The following WDR27 variants were observed in gnomAD, a reference collection of about 807,000 sequenced individuals.
The protein encoded by WDR27 is WD repeat domain 27.
In WDR27, 100 loss-of-function variants were observed where a neutral mutation model predicts 114.4. That is an observed-to-expected ratio of 0.87 (90% CI 0.74 to 1.03). The LOEUF is 1.03. Ranked by LOEUF, WDR27 falls within the 50% of genes least tolerant of loss-of-function variation. The pLI is 0.00. For missense variants in WDR27, 1,129 were observed against 1,092.9 expected (o/e 1.03, Z -0.47); for synonymous variants, 449 against 423.1 (o/e 1.06, Z -0.75).
intron 22 of WDR27, among the ~76,000 whole-genome samples, chr6:169,602,820 A>G (rs1421764411): frequency 6.6e-6 from 1 of 152,096 alleles, no homozygotes; most frequent in Admixed American, 6.6e-5. Context: ...TAAATTCTAC[A>G]AAGATAATTC....
chr6:169,515,900 GC>G (rs1793572790), intron 25 of WDR27, among the ~76,000 whole-genome samples: 1 of 151,476 alleles, frequency 6.6e-6, no homozygotes, highest in Admixed American at 6.6e-5. Context: ...AGTGTATTAT[GC>G]CCCCAGTTGA....
chr6:169,432,142 C>T, the WDR27 span, among the ~76,000 whole-genome samples: 1 of 152,106 alleles, frequency 6.6e-6, no homozygotes, highest in Non-Finnish European at 1.5e-5. Context: ...TGCAGTGTTT[C>T]TCAAAAGCAA....
At chr6:169,510,376 C>G (rs1205474217) in intron 25 of WDR27, among the ~76,000 whole-genome samples, 2 of 151,920 alleles carry the variant, frequency 1.3e-5, no homozygotes, top group Admixed American at 1.3e-4. Flanking sequence ...GACTTGGAAC[C>G]AACCCAAATA....
intron 25 of WDR27, among the ~76,000 whole-genome samples, chr6:169,472,563 TATC>T (rs1309865489): frequency 6.6e-6 from 1 of 152,204 alleles, no homozygotes; most frequent in Non-Finnish European, 1.5e-5. Context: ...ATAAAGCATT[TATC>T]ATAATACCAG....
chr6:169,537,838 G>A (rs1398333706), intron 25 of WDR27, among the ~76,000 whole-genome samples: 1 of 152,118 alleles, frequency 6.6e-6, no homozygotes, highest in African/African-American at 2.4e-5. Context: ...CGGGGGAAAT[G>A]GCAAGAAATA....
At chr6:169,468,428 T>C (rs1355849419) in intron 25 of WDR27, among the ~76,000 whole-genome samples, 6 of 152,184 alleles carry the variant, frequency 3.9e-5, no homozygotes, top group Admixed American at 3.3e-4. Flanking sequence ...CATGTCCTTC[T>C]TCACATGATG....
intron 24 of WDR27, among the ~76,000 whole-genome samples, chr6:169,581,957 T>C (rs1803511408): frequency 6.6e-6 from 1 of 152,198 alleles, no homozygotes; most frequent in African/African-American, 2.4e-5. Flanking sequence ...ACACTGGAGA[T>C]AACTAATACC....
intron 25 of WDR27, among the ~76,000 whole-genome samples, chr6:169,561,682 G>T (rs1489890664): frequency 1.3e-5 from 2 of 151,964 alleles, no homozygotes; most frequent in Non-Finnish European, 2.9e-5. Flanking sequence ...AATAGAAAAT[G>T]AATAAGCAAG....
chr6:169,502,938 AAC>A (rs1466741466), intron 25 of WDR27, among the ~76,000 whole-genome samples: 2 of 152,140 alleles, frequency 1.3e-5, no homozygotes, highest in Non-Finnish European at 2.9e-5. Flanking sequence ...GCTTCCCCCA[AAC>A]ACTTTTGACA....
chr6:169,687,968 A>G (rs1226435597), intron 2 of WDR27, among the ~76,000 whole-genome samples: 1 of 152,218 alleles, frequency 6.6e-6, no homozygotes, highest in East Asian at 1.9e-4. Flanking sequence ...GAAAGAATCT[A>G]GCAGCCAAAA....
intron 14 of WDR27, among the ~76,000 whole-genome samples, chr6:169,651,189 G>GC (rs1822418237): frequency 1.8e-5 from 2 of 112,856 alleles, no homozygotes; most frequent in East Asian, 4.7e-4. Flanking sequence ...GGGGCGGGGG[G>GC]GGGGAGTGGG....
intron 15 of WDR27, among the ~76,000 whole-genome samples, chr6:169,648,968 A>G (rs1209064665): frequency 6.6e-6 from 1 of 152,276 alleles, no homozygotes; most frequent in Non-Finnish European, 1.5e-5. Context: ...AAAATTTATT[A>G]TTTCAAAATT....
At chr6:169,447,080 T>C in the WDR27 span, among the ~76,000 whole-genome samples, 4 of 152,248 alleles carry the variant, frequency 2.6e-5, no homozygotes, top group Non-Finnish European at 4.4e-5. Flanking sequence ...CTTTTAAAAA[T>C]CAAGTATTTC....
chr6:169,445,667 G>C, the WDR27 span, among the ~76,000 whole-genome samples: 1 of 152,356 alleles, frequency 6.6e-6, no homozygotes, highest in East Asian at 1.9e-4. Flanking sequence ...GGGATGAAAG[G>C]AACTATGAAA....
downstream of WDR27, among the ~76,000 whole-genome samples, chr6:169,455,205 C>A (rs16888038): frequency 1.3e-5 from 2 of 152,160 alleles, no homozygotes; most frequent in Non-Finnish European, 2.9e-5. Context: ...AGACTTTGCA[C>A]GGGAGCAGTA....
chr6:169,668,300 G>T, intron 4 of WDR27, 115 bp from the exon 5 acceptor site: 1 of 1,016,424 alleles, frequency 9.8e-7, no homozygotes, highest in Non-Finnish European at 1.5e-6. Flanking sequence ...GACAGGCACA[G>T]TCTCAGCAGT....
chr6:169,577,948 C>T (rs2128135251), intron 24 of WDR27, among the ~76,000 whole-genome samples: 1 of 152,344 alleles, frequency 6.6e-6, no homozygotes, highest in East Asian at 1.9e-4. Flanking sequence ...GATCTTGAGA[C>T]TTCTCAGCCT....
At chr6:169,665,420 C>T (rs1827561611) in intron 7 of WDR27, 66 bp downstream of exon 7, 3 of 1,561,778 alleles carry the variant, frequency 1.9e-6, no homozygotes, top group African/African-American at 2.7e-5. Context: ...AAGACAAAGA[C>T]CTTTGTGTAC....
intron 23 of WDR27, among the ~76,000 whole-genome samples, chr6:169,583,988 C>G (rs957788128): frequency 6.6e-6 from 1 of 152,124 alleles, no homozygotes; most frequent in Admixed American, 6.5e-5. Flanking sequence ...CTTGAGCACT[C>G]ATGTTGCACG....
Sources: allele counts gnomAD v4.1 joint callset (sites outside exome capture counted in the v4.1 genomes callset), GRCh38; gene constraint gnomAD v4.1.1; transcripts MANE v1.5; gene names NCBI Gene and HGNC (gene_info 2026-07-23, HGNC 2026-07-21).